Variants in PROSER2 observed in about 807,000 individuals in gnomAD.
PROSER2 encodes proline and serine rich 2, also known as proline and serine-rich protein 2.
Under a neutral mutation model 14.6 loss-of-function variants are expected in PROSER2, and 18 were observed. The observed-to-expected ratio is 1.23, with a 90% CI of 0.85 to 1.83. The LOEUF (loss-of-function observed/expected upper bound fraction) is 1.83. Ranked by LOEUF, PROSER2 falls within the 40% of genes most tolerant of loss-of-function variation. The probability of loss-of-function intolerance (pLI) is 0.00; values close to 1 mark genes in which losing one functional copy is unlikely to be tolerated. For synonymous variants in PROSER2, 367 were observed against 286.4 expected (o/e 1.28, Z -2.84); for missense variants, 823 against 629.8 (o/e 1.31, Z -3.28).
At chr10:11,850,209 G>T (rs114762117) in intron 1 of PROSER2, 2 of 152,508 alleles carry the variant, frequency 1.3e-5, no homozygotes, top group East Asian at 3.8e-4. Context: ...CTGGCTGCTT[G>T]TGAGTGGCAG....
Position 11,859,008 on chromosome 10 carries a change from CAAAAAAAAAAA to C in PROSER2, c.138+6807_138+6817del, listed in dbSNP as rs750181845. Among the ~76,000 whole-genome samples the C allele has an allele frequency of 4.7e-4, 29 of 61,160 alleles. 1 individual carries two copies. The highest frequency in any genetic ancestry group is 1.6e-3 in the African/African-American group (26 of 16,766). The allele number at this position is 61,160 out of a possible 152,430, so 40.1% of individuals were successfully genotyped here. The stretch of plus-strand genomic sequence containing the variant: ...TGGGCAACAAAGCGAGACTCTGTCT[CAAAAAAAAAAA>C]AAAAAAAAAAAAAGGAGAGATGGTT... On this transcript the variant is annotated intron_variant, in intron 2 of 3. Transcript: ENST00000277570.
In PROSER2 at chr10:11,870,950, G is replaced by A. The variant is rs553383640; in HGVS notation, c.*544G>A. On this transcript the variant is annotated 3_prime_UTR_variant, in exon 4 of 4. Transcript: ENST00000277570. ...TGGTACTTTGCTTTTGTTTCTTGAC[G>A]TACTTTAGTTTGCCCAGTTTTGTTT... 3 of 154,026 alleles carry A rather than the reference G, an allele frequency of 1.9e-5. No individual in the cohort carries two copies. The highest frequency in any genetic ancestry group is 4.1e-4 in the South Asian group (2 of 4,824). 9.5% of individuals were successfully genotyped at this position (154,026 alleles called of 1,614,324 possible). A position where few individuals can be genotyped will look rare whatever the true frequency, so the allele number is the denominator to read the frequency against.
At chr10:11,867,985 T>C (rs1426534527) in intron 3 of PROSER2, among the ~76,000 whole-genome samples, 6 of 152,242 alleles carry the variant, frequency 3.9e-5, no homozygotes, top group Non-Finnish European at 8.8e-5. Context: ...TGTGTACACG[T>C]GTGTACACAT....
intron 1 of PROSER2, among the ~76,000 whole-genome samples, chr10:11,827,499 C>G (rs1332906287): frequency 6.6e-6 from 1 of 152,064 alleles, no homozygotes; most frequent in Non-Finnish European, 1.5e-5. Flanking sequence ...GCTGCTGCTG[C>G]TTCTCCTCGG....
chr10:11,868,721 G>C (rs1327419468), intron 3 of PROSER2, among the ~76,000 whole-genome samples: 1 of 152,180 alleles, frequency 6.6e-6, no homozygotes, highest in African/African-American at 2.4e-5. Context: ...TGCCATCTCA[G>C]CTCACTGCAA....
At chr10:11,847,469 G>A (rs1833940364) in intron 1 of PROSER2, among the ~76,000 whole-genome samples, 1 of 152,218 alleles carries the variant, frequency 6.6e-6, no homozygotes, top group Non-Finnish European at 1.5e-5. Context: ...CCAGGCTGGA[G>A]TGCATTGGCG....
chr10:11,845,648 G>T (rs1462814752), intron 1 of PROSER2, among the ~76,000 whole-genome samples: 1 of 152,178 alleles, frequency 6.6e-6, no homozygotes, highest in East Asian at 1.9e-4. Context: ...CTAGGCCCTC[G>T]GGGAAAGGGA....
rs1320547890 is a variant in PROSER2, at chr10:11,836,464, T to C, written c.-82+12994T>C. 6.6e-6 allele frequency among the ~76,000 whole-genome samples: 1 copy of C among 152,202 alleles called. No individual in the cohort carries two copies. Among genetic ancestry groups the C allele is most frequent in the Non-Finnish European group, 1.5e-5 (1 of 68,028 alleles). Reference sequence around the variant, plus strand: ...CTCCCACCTCGGCCTCCCAAAGTGCTGGGATTACAGGTGTGAGCCACCACG... The same window carrying C: ...CTCCCACCTCGGCCTCCCAAAGTGCCGGGATTACAGGTGTGAGCCACCACG... On this transcript the variant is annotated intron_variant, in intron 1 of 3. Coordinates refer to ENST00000277570, the MANE Select transcript of PROSER2 (RefSeq NM_153256.4). This position sits in a 1 kb window ranked among gnomAD's most constrained non-coding sequence, Gnocchi z 4.6.
chr10:11,824,018 C>A (rs1295822639), intron 1 of PROSER2, among the ~76,000 whole-genome samples: 1 of 152,184 alleles, frequency 6.6e-6, no homozygotes, highest in Non-Finnish European at 1.5e-5. Flanking sequence ...AAATGTGGCC[C>A]GTGTGATGAA....
In PROSER2 at chr10:11,823,925, C is replaced by T. The variant is rs913169080; in HGVS notation, c.-82+455C>T. Reference sequence around the variant, plus strand: ...GGCGGGCGGAGCCACCTGTTCCACCCGGGCCCCCAGGTCCTGGAATCACGC... The same window carrying T: ...GGCGGGCGGAGCCACCTGTTCCACCTGGGCCCCCAGGTCCTGGAATCACGC... On this transcript the variant is annotated intron_variant, in intron 1 of 3. Transcript: ENST00000277570. The surrounding 1 kb of genome is among the most constrained non-coding windows in gnomAD (Gnocchi z 6.2). 3.3e-5 allele frequency among the ~76,000 whole-genome samples: 5 copies of T among 152,158 alleles called. No individual in the cohort carries two copies. The highest frequency in any genetic ancestry group is 7.4e-5 in the Non-Finnish European group (5 of 68,018).
chr10:11,861,616 G>A (rs1235735118), intron 2 of PROSER2, among the ~76,000 whole-genome samples: 1 of 152,164 alleles, frequency 6.6e-6, no homozygotes, highest in Non-Finnish European at 1.5e-5. Flanking sequence ...ATGGACTTGA[G>A]CAGGGAGCAA....
rs920205455 is a variant in PROSER2, at chr10:11,866,647, A to G, written c.255A>G (p.Gly85=). 3 of 1,614,070 alleles carry G rather than the reference A, an allele frequency of 1.9e-6. No individual in the cohort carries two copies. Among genetic ancestry groups the G allele is most frequent in the Non-Finnish European group, 2.5e-6 (3 of 1,180,012 alleles). The change falls in exon 3 of 4, where the codon GGA becomes GGG. Residue 85 remains glycine, a synonymous_variant. Coordinates refer to ENST00000277570, the MANE Select transcript of PROSER2 (RefSeq NM_153256.4). This position sits in a 1 kb window ranked among gnomAD's most constrained non-coding sequence, Gnocchi z 6.0. ...AGGAGCCAGTGCTGTGCGATGGAGG[A>G]GTGTGCTGCCTCTGCTCCCCGTCTC... ...DFEEPVLCDG[G]VCCLCSPSLE...
Position 11,869,632 on chromosome 10 carries a change from CT to C in PROSER2, c.535del (p.Ser179ProfsTer174). The C allele has an allele frequency of 1.3e-6, 2 of 1,595,198 alleles. No homozygotes were observed. The highest frequency in any genetic ancestry group is 8.5e-7 in the Non-Finnish European group (1 of 1,170,194). ...DPPRRELRAP[S>X]PPVEHPRLLR... ...CCCCCAGGAGGGAGCTGCGCGCCCC[CT>C]CCCCGCCGGTGGAGCACCCCAGACT... On this transcript the variant is annotated frameshift_variant, in exon 4 of 4. Transcript: ENST00000277570. LOFTEE classifies it low-confidence loss of function (END_TRUNC). This position sits in a 1 kb window ranked among gnomAD's most constrained non-coding sequence, Gnocchi z 4.4.
At chr10:11,840,083 GCTGGGACTACAGGTACA>G (rs1198929422) in intron 1 of PROSER2, among the ~76,000 whole-genome samples, 32 of 151,438 alleles carry the variant, frequency 2.1e-4, no homozygotes, top group Non-Finnish European at 1.0e-4. Context: ...CTCCCAAGTA[GCTGGGACTACAGGTACA>G]CTCCTCCACC....
chr10:11,838,039 A>G lies in PROSER2; in HGVS notation c.-81-13958A>G, dbSNP rs1000966157. ...ATCTCCTGACATACTGGGTCTTTCA[A>G]AGGCTCCAAGGTGCTGAAATGACCT... On this transcript the variant is annotated intron_variant, in intron 1 of 3. Coordinates refer to ENST00000277570, the MANE Select transcript of PROSER2 (RefSeq NM_153256.4). The surrounding 1 kb of genome is among the most constrained non-coding windows in gnomAD (Gnocchi z 4.4). 3.9e-5 allele frequency among the ~76,000 whole-genome samples: 6 copies of G among 151,962 alleles called. No homozygotes were observed. The highest frequency in any genetic ancestry group is 2.1e-4 in the South Asian group (1 of 4,798).
chr10:11,824,925 T>C (rs994482495), intron 1 of PROSER2, among the ~76,000 whole-genome samples: 2 of 151,310 alleles, frequency 1.3e-5, no homozygotes, highest in East Asian at 3.9e-4. Flanking sequence ...GGTGGGGGAG[T>C]TGCCCATTAA....
intron 1 of PROSER2, among the ~76,000 whole-genome samples, chr10:11,839,386 AATTCTTTAGGTCATATTACAAAT>A: frequency 6.6e-6 from 1 of 152,340 alleles, no homozygotes; most frequent in South Asian, 2.1e-4. Flanking sequence ...CATAAAAATA[AATTCTTTAGGTCATATTACAAAT>A]TTTAAAAAAA....
intron 2 of PROSER2, among the ~76,000 whole-genome samples, chr10:11,857,710 A>C (rs1404852758): frequency 7.1e-6 from 1 of 140,280 alleles, no homozygotes; most frequent in Non-Finnish European, 1.5e-5. Flanking sequence ...GCACCACTGC[A>C]CTCCAGCCTG....
rs1564316161 is a variant in PROSER2 at position 11,869,794 on chromosome 10, G to GC, written c.700dup (p.Arg234ProfsTer94). On this transcript the variant is annotated frameshift_variant, in exon 4 of 4. Coordinates refer to ENST00000277570, the MANE Select transcript of PROSER2 (RefSeq NM_153256.4). LOFTEE classifies it low-confidence loss of function (END_TRUNC). This position sits in a 1 kb window ranked among gnomAD's most constrained non-coding sequence, Gnocchi z 4.4. ...AGTGGAGGACACCTGCCGCCCGGGGGCCCCGCAGTGGAGACCCTGGCCCGG... is the reference window on the plus strand; with the variant it reads ...AGTGGAGGACACCTGCCGCCCGGGGGCCCCCGCAGTGGAGACCCTGGCCCGG... The GC allele has an allele frequency of 2.6e-6, 4 of 1,554,278 alleles. No homozygotes were observed. The highest frequency in any genetic ancestry group is 2.6e-6 in the Non-Finnish European group (3 of 1,151,832).
Sources: gnomAD v4.1 joint callset for allele counts (sites outside exome capture counted in the v4.1 genomes callset) on GRCh38, gnomAD v4.1.1 for gene constraint, Gnocchi (gnomAD v3.1) non-coding constraint, MANE v1.5 for transcripts, NCBI Gene and HGNC (gene_info 2026-07-23, HGNC 2026-07-21) for gene names.